Variants in SUSD1 observed in about 807,000 individuals in gnomAD.
The protein encoded by SUSD1 is sushi domain containing 1.
A neutral mutation model predicts 86.9 loss-of-function variants in SUSD1; 65 were observed. The observed-to-expected ratio is 0.75, with a 90% CI of 0.61 to 0.92. The LOEUF is 0.92. Among genes scored for constraint, SUSD1 ranks in the 40% least tolerant of loss-of-function variants. SUSD1 has a pLI of 0.00. For synonymous variants in SUSD1, 346 were observed against 350.0 expected (o/e 0.99, Z 0.13); for missense variants, 850 against 929.7 (o/e 0.91, Z 1.11).
intron 12 of SUSD1, among the ~76,000 whole-genome samples, chr9:112,069,024 A>G (rs1407354653): frequency 6.6e-6 from 1 of 152,164 alleles, no homozygotes; most frequent in Admixed American, 6.5e-5. Context: ...GCAGGCAGTT[A>G]GAAACATAGG....
At chr9:112,107,254 CAAAAA>C (rs71382407) in intron 8 of SUSD1, among the ~76,000 whole-genome samples, 1 of 66,202 alleles carries the variant, frequency 1.5e-5, no homozygotes, top group Non-Finnish European at 2.7e-5. Flanking sequence ...GACCATATCT[CAAAAA>C]AAAAAAAAAA....
chr9:112,124,589 C>T (rs1039462542), intron 5 of SUSD1, among the ~76,000 whole-genome samples, 153 bp from the exon 6 acceptor site: 3 of 152,140 alleles, frequency 2.0e-5, no homozygotes, highest in African/African-American at 7.2e-5. Context: ...ATAAGTATGT[C>T]TGAATTTAAT....
intron 3 of SUSD1, among the ~76,000 whole-genome samples, chr9:112,145,399 C>A (rs781865): frequency 0.11 from 15,954 of 151,446 alleles, 1,109 homozygotes; most frequent in East Asian, 0.2. Context: ...CCTGCCTCAG[C>A]CTCCTGAGTA....
chr9:112,129,787 C>T (rs756435662), intron 5 of SUSD1, among the ~76,000 whole-genome samples: 11 of 152,312 alleles, frequency 7.2e-5, no homozygotes, highest in South Asian at 2.1e-4. Flanking sequence ...CGCTTAAAAT[C>T]GTATGTTTTA....
Position 112,108,096 on chromosome 9 carries a change from T to A in SUSD1, c.1171+3558A>T, listed in dbSNP as rs546676751. On this transcript the variant is annotated intron_variant, in intron 8 of 16. Transcript: ENST00000374270. ...CAGTATAAATGTTACAAAGAAAAAA[T>A]CTACCACTGTATACAATGCTTGTAA... Among the ~76,000 whole-genome samples, 4 of 152,114 alleles carry A rather than the reference T, an allele frequency of 2.6e-5. No individual in the cohort carries two copies. The East Asian group carries it at 7.7e-4, about 29-fold the overall frequency.
intron 13 of SUSD1, among the ~76,000 whole-genome samples, chr9:112,059,776 G>A (rs1828628851): frequency 6.6e-6 from 1 of 152,186 alleles, no homozygotes; most frequent in Non-Finnish European, 1.5e-5. Context: ...CACTGAGAAT[G>A]AATCACACTT....
At position 112,112,904 on chromosome 9, in the gene SUSD1, A is replaced by G. The variant is rs1831164981; in HGVS notation, c.887-36T>C. 4 of 1,370,902 alleles carry G rather than the reference A, an allele frequency of 2.9e-6. No individual in the cohort carries two copies. In the African/African-American group the frequency reaches 4.3e-5, roughly 15 times the overall value. The allele number at this position is 1,370,902 out of a possible 1,614,324, so 84.9% of individuals were successfully genotyped here. Reference sequence around the variant, plus strand: ...AAAAGGCAGTCAACTCACAAAATGCATCAATGGGCTTTAGCAAAATTCTAA... The same window carrying G: ...AAAAGGCAGTCAACTCACAAAATGCGTCAATGGGCTTTAGCAAAATTCTAA... On this transcript the variant is annotated intron_variant, in intron 6 of 16. Transcript: ENST00000374270.
At chr9:112,155,399 TAGG>T (rs1380272027) in intron 2 of SUSD1, among the ~76,000 whole-genome samples, 1 of 152,046 alleles carries the variant, frequency 6.6e-6, no homozygotes, top group East Asian at 1.9e-4. Flanking sequence ...TGAGAAGCAT[TAGG>T]AGAAATTCCC....
chr9:112,136,062 T>G (rs1832249120), intron 5 of SUSD1, among the ~76,000 whole-genome samples: 1 of 152,148 alleles, frequency 6.6e-6, no homozygotes, highest in Admixed American at 6.5e-5. Flanking sequence ...ACTTCAACCA[T>G]TTACAAATAT....
At chr9:112,149,644 G>A (rs531936212) in intron 2 of SUSD1, among the ~76,000 whole-genome samples, 6 of 152,274 alleles carry the variant, frequency 3.9e-5, no homozygotes, top group East Asian at 1.9e-4. Flanking sequence ...CTGGCAATCC[G>A]TCTGATTTGA....
intron 10 of SUSD1, among the ~76,000 whole-genome samples, chr9:112,083,330 C>A (rs955276249): frequency 2.6e-5 from 4 of 151,960 alleles, no homozygotes; most frequent in Admixed American, 6.6e-5. Flanking sequence ...TGAGTTCAAG[C>A]AATTCTCCTG....
At chr9:112,111,919 T>C in intron 7 of SUSD1, 79 bp from the exon 8 acceptor site, 1 of 1,427,724 alleles carries the variant, frequency 7.0e-7, no homozygotes, top group Non-Finnish European at 9.6e-7. Flanking sequence ...GAGCCCATTC[T>C]CCTACTATTC....
chr9:112,093,979 A>G (rs2131595560), intron 10 of SUSD1, among the ~76,000 whole-genome samples: 1 of 152,270 alleles, frequency 6.6e-6, no homozygotes, highest in East Asian at 1.9e-4. Flanking sequence ...CTCCGCCTGC[A>G]AGAGCTTTGA....
intron 5 of SUSD1, among the ~76,000 whole-genome samples, chr9:112,140,513 CAAA>C (rs200242915): frequency 9.5e-6 from 1 of 105,490 alleles, no homozygotes; most frequent in Non-Finnish European, 2.0e-5. Flanking sequence ...GACTCTGTCT[CAAA>C]AAAAAAAAGA....
intron 1 of SUSD1, among the ~76,000 whole-genome samples, chr9:112,168,826 G>T (rs4979085): frequency 0.27 from 40,840 of 151,998 alleles, 6,674 homozygotes; most frequent in Middle Eastern, 0.34. Flanking sequence ...AAGCACAAAT[G>T]CAGTGCTTAA....
At chr9:112,095,821 G>A (rs1830371005) in intron 10 of SUSD1, among the ~76,000 whole-genome samples, 1 of 152,184 alleles carries the variant, frequency 6.6e-6, no homozygotes. Flanking sequence ...TAAGATAAAT[G>A]TGGGGTGTCC....
At chr9:112,078,298 C>G (rs1457212067) in intron 12 of SUSD1, among the ~76,000 whole-genome samples, 1 of 152,152 alleles carries the variant, frequency 6.6e-6, no homozygotes, top group Non-Finnish European at 1.5e-5. Flanking sequence ...GAGCCATGAT[C>G]GTGCCTCTGC....
chr9:112,149,278 C>G lies in SUSD1; in HGVS notation c.339G>C (p.Lys113Asn). 6.2e-7 allele frequency: 1 copy of G among 1,614,194 alleles called. No homozygotes were observed. The highest frequency in any genetic ancestry group is 2.2e-5 in the East Asian group (1 of 44,880). The stretch of plus-strand genomic sequence containing the variant: ...AGGTGCCATCGTTGGGAATGAATGT[C>G]TTGTTGTTGTTTGTGGCTCGATATC... ...LEGYRATNNN[K>N]TFIPNDGTFC... The change falls in exon 3 of 17, where the codon AAG (lysine) becomes AAC (asparagine). Residue 113 changes from lysine (K) to asparagine (N), a missense_variant. By Grantham distance (94) the Lys-to-Asn change is moderately conservative. Coordinates refer to ENST00000374270, the MANE Select transcript of SUSD1 (RefSeq NM_022486.5).
intron 10 of SUSD1, among the ~76,000 whole-genome samples, chr9:112,087,188 T>C (rs969816200): frequency 2.0e-5 from 3 of 152,156 alleles, no homozygotes; most frequent in African/African-American, 7.2e-5. Flanking sequence ...TTTTTCTTTT[T>C]TGAGATGAAG....
Sources: gnomAD v4.1 joint callset for allele counts (sites outside exome capture counted in the v4.1 genomes callset) on GRCh38, gnomAD v4.1.1 for gene constraint, MANE v1.5 for transcripts, NCBI Gene and HGNC (gene_info 2026-07-23, HGNC 2026-07-21) for gene names.